The following RELCH variants were observed in gnomAD, a reference collection of about 807,000 sequenced individuals.
RELCH encodes RAB11 binding and LisH domain, coiled-coil and HEAT repeat containing.
A neutral mutation model predicts 150.3 loss-of-function variants in RELCH; 41 were observed. The ratio of observed to expected loss-of-function variants is 0.27; its 90% confidence interval spans 0.21 to 0.35. The LOEUF is 0.35. RELCH is among the 10% of genes least tolerant of loss of function. The probability of loss-of-function intolerance (pLI) is 1.00; values close to 1 mark genes in which losing one functional copy is unlikely to be tolerated. For synonymous variants in RELCH, 478 were observed against 531.8 expected (o/e 0.90, Z 1.39); for missense variants, 1,092 against 1,467.8 (o/e 0.74, Z 4.18).
In RELCH at chr18:62,306,140, T is replaced by C. The variant is rs1489776204; in HGVS notation, c.*606T>C. 1 of 152,556 alleles carries C rather than the reference T, an allele frequency of 6.6e-6. No individual in the cohort carries two copies. The highest frequency in any genetic ancestry group is 1.5e-5 in the Non-Finnish European group (1 of 68,018). The allele number at this position is 152,556 out of a possible 1,614,324, so 9.5% of individuals were successfully genotyped here. ...AATTACAAATCCTACAGTCAATAGCTAAAGACGAAACCTTCATTTCAGAAC... is the reference window on the plus strand; with the variant it reads ...AATTACAAATCCTACAGTCAATAGCCAAAGACGAAACCTTCATTTCAGAAC... On this transcript the variant is annotated 3_prime_UTR_variant, in exon 29 of 29. Transcript: ENST00000644646.
In RELCH at chr18:62,191,015, A is replaced by G. The variant is rs553028944; in HGVS notation, c.526+2984A>G. Among the ~76,000 whole-genome samples the G allele has an allele frequency of 1.1e-4, 17 of 152,336 alleles. No individual in the cohort carries two copies. In the East Asian group the frequency reaches 2.9e-3, roughly 26 times the overall value. On this transcript the variant is annotated intron_variant, in intron 1 of 28. Transcript: ENST00000644646. The stretch of plus-strand genomic sequence containing the variant: ...GTGTATCTGCCTTCAGCATGTTTTT[A>G]AAAGTCATCTATGTCTTTGTGTGTA...
chr18:62,221,322 T>C, intron 4 of RELCH, 48 bp downstream of exon 4: 1 of 1,547,616 alleles, frequency 6.5e-7, no homozygotes, highest in Non-Finnish European at 8.9e-7. Context: ...CATTAAATGG[T>C]AACATAAATA....
intron 27 of RELCH, among the ~76,000 whole-genome samples, chr18:62,294,666 T>C (rs963121426): frequency 1.3e-5 from 2 of 152,202 alleles, no homozygotes; most frequent in African/African-American, 4.8e-5. Context: ...CGAACACTGA[T>C]TCTTAATTTT....
intron 25 of RELCH, among the ~76,000 whole-genome samples, chr18:62,282,719 A>C (rs1054137933): frequency 2.0e-5 from 3 of 152,170 alleles, no homozygotes; most frequent in Non-Finnish European, 4.4e-5. Context: ...GTGCAATGGC[A>C]TGATCTCAGC....
In RELCH at chr18:62,268,892, C is replaced by A. The variant is rs2144779852; in HGVS notation, c.2704C>A (p.Leu902Ile). ...AGATTCCTCAGCAGGAAATGGGGTC[C>A]TCACTAAAGCTACAGTCCCCATTTA... ...NIDSSAGNGV[L>I]TKATVPIYAT... Residue 902 changes from leucine (L) to isoleucine (I), a missense_variant, in exon 20 of 29, where the codon CTC becomes ATC. Physicochemically the swap from Leu to Ile is conservative, Grantham distance 5. Transcript: ENST00000644646. 1.9e-6 allele frequency: 3 copies of A among 1,540,432 alleles called. No individual in the cohort carries two copies. The highest frequency in any genetic ancestry group is 2.6e-6 in the Non-Finnish European group (3 of 1,138,764).
intron 1 of RELCH, among the ~76,000 whole-genome samples, chr18:62,189,275 G>GTTTTTTTTTTTTTGT (rs200508195): frequency 7.7e-6 from 1 of 130,340 alleles, no homozygotes; most frequent in Non-Finnish European, 1.7e-5. Context: ...TTTTTTTGTT[G>GTTTTTTTTTTTTTGT]TTTTTTTTTT....
At chr18:62,234,452 A>T (rs2041769665) in intron 10 of RELCH, among the ~76,000 whole-genome samples, 1 of 151,698 alleles carries the variant, frequency 6.6e-6, no homozygotes, top group Non-Finnish European at 1.5e-5. Flanking sequence ...AACTCCTGTG[A>T]TTGAAGGATT....
At chr18:62,196,911 A>T (rs540223321) in intron 1 of RELCH, among the ~76,000 whole-genome samples, 43 of 152,360 alleles carry the variant, frequency 2.8e-4, no homozygotes, top group African/African-American at 5.5e-4. Context: ...GAATATAAAC[A>T]TTCTGTTATA....
chr18:62,203,739 G>C (rs1437556312), intron 1 of RELCH, among the ~76,000 whole-genome samples: 3 of 152,088 alleles, frequency 2.0e-5, no homozygotes, highest in African/African-American at 7.2e-5. Context: ...CCAGCACTTT[G>C]GGAAGCCAAG....
At chr18:62,243,394 C>T (rs1226750101) in intron 10 of RELCH, among the ~76,000 whole-genome samples, 1 of 152,124 alleles carries the variant, frequency 6.6e-6, no homozygotes, top group Non-Finnish European at 1.5e-5. Context: ...CTCTCATTCC[C>T]AGTGCAAAAT....
intron 2 of RELCH, among the ~76,000 whole-genome samples, chr18:62,212,494 T>C (rs1197451860): frequency 6.6e-6 from 1 of 152,232 alleles, no homozygotes; most frequent in Non-Finnish European, 1.5e-5. Context: ...ACCAACTCTG[T>C]TGAATTTTTC....
intron 11 of RELCH, among the ~76,000 whole-genome samples, chr18:62,252,036 G>A (rs2042732067): frequency 6.6e-6 from 1 of 151,734 alleles, no homozygotes; most frequent in Non-Finnish European, 1.5e-5. Flanking sequence ...TCACTCTGTT[G>A]CCAGGCTGGG....
intron 27 of RELCH, among the ~76,000 whole-genome samples, chr18:62,294,967 G>T (rs898468087): frequency 1.3e-5 from 2 of 152,018 alleles, no homozygotes; most frequent in Non-Finnish European, 2.9e-5. Context: ...CTTTCTCACT[G>T]GTTTCTTTGT....
intron 2 of RELCH, among the ~76,000 whole-genome samples, chr18:62,215,608 ATATTT>A (rs1223369158): frequency 2.0e-5 from 3 of 152,232 alleles, no homozygotes; most frequent in Non-Finnish European, 4.4e-5. Flanking sequence ...TTTATATAAA[ATATTT>A]TATTTAATCT....
intron 1 of RELCH, among the ~76,000 whole-genome samples, chr18:62,207,842 A>T (rs1390124025): frequency 6.6e-6 from 1 of 152,206 alleles, no homozygotes; most frequent in Non-Finnish European, 1.5e-5. Flanking sequence ...CTATGATGCC[A>T]GCTAAAATCT....
At chr18:62,206,241 G>A (rs577881957) in intron 1 of RELCH, among the ~76,000 whole-genome samples, 1 of 152,234 alleles carries the variant, frequency 6.6e-6, no homozygotes, top group Non-Finnish European at 1.5e-5. Flanking sequence ...GTAGAGATGG[G>A]TTTTCACCAT....
chr18:62,205,425 T>C (rs761188306), intron 1 of RELCH, among the ~76,000 whole-genome samples: 6 of 152,198 alleles, frequency 3.9e-5, no homozygotes, highest in Non-Finnish European at 8.8e-5. Flanking sequence ...AATTTTTTCC[T>C]ACCGTAAAGT....
intron 26 of RELCH, among the ~76,000 whole-genome samples, chr18:62,290,034 A>G (rs1008457884): frequency 6.6e-6 from 1 of 152,210 alleles, no homozygotes; most frequent in Admixed American, 6.5e-5. Flanking sequence ...CTATATGTCT[A>G]TAGGGATTTG....
intron 27 of RELCH, among the ~76,000 whole-genome samples, chr18:62,295,123 G>A (rs955933559): frequency 2.0e-5 from 3 of 152,088 alleles, no homozygotes; most frequent in African/African-American, 7.2e-5. Flanking sequence ...ATAAAGTTTA[G>A]TATTATATTG....
Sources: allele counts gnomAD v4.1 joint callset (sites outside exome capture counted in the v4.1 genomes callset), GRCh38; gene constraint gnomAD v4.1.1; transcripts MANE v1.5; gene names NCBI Gene and HGNC (gene_info 2026-07-23, HGNC 2026-07-21).